The following DAZAP1 variants were observed in gnomAD, a reference collection of about 807,000 sequenced individuals.
The protein encoded by DAZAP1 is DAZ-associated protein 1.
In DAZAP1, 6 loss-of-function variants were observed where a neutral mutation model predicts 60.1. The observed-to-expected ratio is 0.10, with a 90% CI of 0.05 to 0.20. The LOEUF (loss-of-function observed/expected upper bound fraction) is 0.20. Among genes scored for constraint, DAZAP1 ranks in the 10% least tolerant of loss-of-function variants. DAZAP1 has a pLI of 1.00. For synonymous variants in DAZAP1, 235 were observed against 215.9 expected, an observed-to-expected ratio of 1.09 and a Z score of -0.78; for missense variants, 366 against 560.4, an observed-to-expected ratio of 0.65 and a Z score of 3.50.
intron 10 of DAZAP1, among the ~76,000 whole-genome samples, chr19:1,431,342 G>T (rs2083446981): frequency 6.6e-6 from 1 of 150,900 alleles, no homozygotes. Flanking sequence ...TGTTAGGCAG[G>T]ATGGTCTCGA....
rs1266091267 is a variant in DAZAP1 at position 1,422,601 on chromosome 19, T to C, written c.463+205T>C. On this transcript the variant is annotated intron_variant, in intron 6 of 11. Transcript: ENST00000233078. This position sits in a 1 kb window ranked among gnomAD's most constrained non-coding sequence, Gnocchi z 4.5. ...GCTTCCCGAGGTCAGACGTCACACATTGTTTTTTGGCTTGTTCTTTTGAAG... is the reference window on the plus strand; with the variant it reads ...GCTTCCCGAGGTCAGACGTCACACACTGTTTTTTGGCTTGTTCTTTTGAAG... Among the ~76,000 whole-genome samples the C allele has an allele frequency of 6.6e-6, 1 of 152,106 alleles. No individual in the cohort carries two copies. The highest frequency in any genetic ancestry group is 1.5e-5 in the Non-Finnish European group (1 of 68,012).
intron 1 of DAZAP1, among the ~76,000 whole-genome samples, chr19:1,414,650 C>T (rs1234067833): frequency 6.6e-6 from 1 of 151,696 alleles, no homozygotes; most frequent in Non-Finnish European, 1.5e-5. Context: ...GCAGGAGAAT[C>T]GCTTGAACCC....
At chr19:1,414,482 C>CA (rs2082917119) in intron 1 of DAZAP1, among the ~76,000 whole-genome samples, 2 of 152,284 alleles carry the variant, frequency 1.3e-5, no homozygotes, top group Admixed American at 6.5e-5. Context: ...CGCAGCTACT[C>CA]ACGCCTGTCA....
At chr19:1,409,614 C>A (rs1569030197) in intron 1 of DAZAP1, among the ~76,000 whole-genome samples, 1 of 152,256 alleles carries the variant, frequency 6.6e-6, no homozygotes, top group Non-Finnish European at 1.5e-5. Context: ...GCCACAGCCG[C>A]CCGTCGCATG....
intron 6 of DAZAP1, among the ~76,000 whole-genome samples, chr19:1,424,633 C>T (rs1171993422): frequency 6.6e-6 from 1 of 151,572 alleles, no homozygotes; most frequent in Non-Finnish European, 1.5e-5. Context: ...TTGCCTGTTC[C>T]CACCCCCCAC....
chr19:1,407,705 G>C lies in DAZAP1; in HGVS notation c.-69G>C. 9.5e-7 allele frequency: 1 copy of C among 1,049,330 alleles called. No homozygotes were observed. The highest frequency in any genetic ancestry group is 1.1e-6 in the Non-Finnish European group (1 of 873,008). 65.0% of individuals were successfully genotyped at this position (1,049,330 alleles called of 1,614,324 possible). ...GCGGCTGTGGGGAGGGCGACGGAGC[G>C]GGTGACCTTCCGGAGGCGGGAGCGA... On this transcript the variant is annotated 5_prime_UTR_variant, in exon 1 of 12. Transcript: ENST00000233078.
rs2083494388 is a variant in DAZAP1 at position 1,433,033 on chromosome 19, G to A, written c.1048+343G>A. ...TTCAGGCCCTCGGTGTGGGTCCCGG[G>A]TGCACTGGCCCCTTGGTGGGTTCCA... On this transcript the variant is annotated intron_variant, in intron 11 of 11. Transcript: ENST00000233078. The surrounding 1 kb of genome is among the most constrained non-coding windows in gnomAD (Gnocchi z 6.1). The A allele has an allele frequency of 1.1e-5, 3 of 261,748 alleles. No homozygotes were observed. The South Asian group carries it at 1.8e-4, about 16-fold the overall frequency. The allele number at this position is 261,748 out of a possible 1,614,324, so 16.2% of individuals were successfully genotyped here.
At position 1,422,498 on chromosome 19, in the gene DAZAP1, C is replaced by A; in HGVS notation, c.463+102C>A. ...ACACACAGGTGGCGGCTGTAGCAAACAGCCTCAGGAAGGGACGATTTGGAG... is the reference window on the plus strand; with the variant it reads ...ACACACAGGTGGCGGCTGTAGCAAAAAGCCTCAGGAAGGGACGATTTGGAG... On this transcript the variant is annotated intron_variant, in intron 6 of 11. Transcript: ENST00000233078. The surrounding 1 kb of genome is among the most constrained non-coding windows in gnomAD (Gnocchi z 4.5). 2 of 1,136,444 alleles carry A rather than the reference C, an allele frequency of 1.8e-6. No homozygotes were observed. The highest frequency in any genetic ancestry group is 2.6e-6 in the Non-Finnish European group (2 of 764,502). 70.4% of individuals were successfully genotyped at this position (1,136,444 alleles called of 1,614,324 possible). A position where few individuals can be genotyped will look rare whatever the true frequency, so the allele number is the denominator to read the frequency against.
rs199698108 is a variant in DAZAP1 at position 1,428,889 on chromosome 19, G to A, written c.594G>A (p.Pro198=). ...CTCGGGACAGCAAGAGCCAAGCGCC[G>A]GGACAGCCAGGTGCCAGCCAGTGGG... ...AEPRDSKSQA[P]GQPGASQWGS... Residue 198 remains proline (P), a synonymous_variant, in exon 8 of 12, where the codon CCG becomes CCA. Coordinates refer to ENST00000233078, the MANE Select transcript of DAZAP1 (RefSeq NM_018959.4). The surrounding 1 kb of genome is among the most constrained non-coding windows in gnomAD (Gnocchi z 4.0). The A allele has an allele frequency of 1.0e-4, 169 of 1,613,032 alleles. No individual in the cohort carries two copies. In the East Asian group the frequency reaches 3.4e-3, roughly 32 times the overall value.
In DAZAP1 at chr19:1,407,592, T is replaced by G. The variant is rs1399187883; in HGVS notation, c.-182T>G. 4 of 306,844 alleles carry G rather than the reference T, an allele frequency of 1.3e-5. No homozygotes were observed. The highest frequency in any genetic ancestry group is 1.2e-4 in the South Asian group (1 of 8,264). The allele number at this position is 306,844 out of a possible 1,614,324, so 19.0% of individuals were successfully genotyped here. ...GGCGCGGCGGCGCGGGGACGCGCGG[T>G]GACCGTTGGCGCCGAGGGGAGGAGG... On this transcript the variant is annotated 5_prime_UTR_variant, in exon 1 of 12. Coordinates refer to ENST00000233078, the MANE Select transcript of DAZAP1 (RefSeq NM_018959.4).
chr19:1,407,596 C>A lies in DAZAP1; in HGVS notation c.-178C>A. On this transcript the variant is annotated 5_prime_UTR_variant, in exon 1 of 12. Transcript: ENST00000233078. ...CGGCGGCGCGGGGACGCGCGGTGAC[C>A]GTTGGCGCCGAGGGGAGGAGGCAGC... 1 of 349,032 alleles carries A rather than the reference C, an allele frequency of 2.9e-6. No individual in the cohort carries two copies. Among genetic ancestry groups the A allele is most frequent in the Non-Finnish European group, 3.9e-6 (1 of 254,888 alleles). 21.6% of individuals were successfully genotyped at this position (349,032 alleles called of 1,614,324 possible).
Position 1,418,571 on chromosome 19 carries a change from C to CGGGCT in DAZAP1, c.238-93_238-89dup, listed in dbSNP as rs1176210384. ...ATGGAGCCGGCGGGGCGGGGCGGGC[C>CGGGCT]GGGCTGCTGTGCCGTGGCTGCTGTT... On this transcript the variant is annotated intron_variant, in intron 3 of 11. Transcript: ENST00000233078. This position sits in a 1 kb window ranked among gnomAD's most constrained non-coding sequence, Gnocchi z 5.7. The CGGGCT allele has an allele frequency of 6.5e-6, 10 of 1,527,372 alleles. No individual in the cohort carries two copies. In the African/African-American group the frequency reaches 1.2e-4, roughly 19 times the overall value. The allele number at this position is 1,527,372 out of a possible 1,614,324, so 94.6% of individuals were successfully genotyped here.
rs1251033197 is a variant in DAZAP1, at chr19:1,418,053, CA to C, written c.71-150del. On this transcript the variant is annotated intron_variant, in intron 2 of 11. Coordinates refer to ENST00000233078, the MANE Select transcript of DAZAP1 (RefSeq NM_018959.4). The surrounding 1 kb of genome is among the most constrained non-coding windows in gnomAD (Gnocchi z 5.7). Reference sequence around the variant, plus strand: ...CAAGTGTGTGTTGGGCAGAATTCCCCAGCGCTTCCCGTACACCCCCCACCCC... The same window carrying C: ...CAAGTGTGTGTTGGGCAGAATTCCCCGCGCTTCCCGTACACCCCCCACCCC... 1 of 727,852 alleles carries C rather than the reference CA, an allele frequency of 1.4e-6. No homozygotes were observed. Among genetic ancestry groups the C allele is most frequent in the African/African-American group, 1.8e-5 (1 of 56,422 alleles). 45.1% of individuals were successfully genotyped at this position (727,852 alleles called of 1,614,324 possible). A position where few individuals can be genotyped will look rare whatever the true frequency, so the allele number is the denominator to read the frequency against.
rs2082700523 is a variant in DAZAP1 at position 1,407,616 on chromosome 19, G to GGCCGCCGCCGCCGCCGCCGCCGCCGCC, written c.-156_-155insCGCCGCCGCCGCCGCCGCCGCCGCCGC. ...GTGACCGTTGGCGCCGAGGGGAGGA[G>GGCCGCCGCCGCCGCCGCCGCCGCCGCC]GCAGCCGCCGCCGCCGCCGCCGCCG... is the stretch of plus-strand genomic sequence containing the variant. On this transcript the variant is annotated 5_prime_UTR_variant, in exon 1 of 12. Coordinates refer to ENST00000233078, the MANE Select transcript of DAZAP1 (RefSeq NM_018959.4). 4.8e-6 allele frequency: 1 copy of GGCCGCCGCCGCCGCCGCCGCCGCCGCC among 206,498 alleles called. No homozygotes were observed. Among genetic ancestry groups the GGCCGCCGCCGCCGCCGCCGCCGCCGCC allele is most frequent in the Non-Finnish European group, 6.9e-6 (1 of 145,100 alleles). The allele number at this position is 206,498 out of a possible 1,614,324, so 12.8% of individuals were successfully genotyped here. A position where few individuals can be genotyped will look rare whatever the true frequency, so the allele number is the denominator to read the frequency against.
intron 2 of DAZAP1, 115 bp downstream of exon 2, chr19:1,417,655 C>T (rs891167350): frequency 7.0e-6 from 7 of 1,002,852 alleles, no homozygotes; most frequent in African/African-American, 3.3e-5. Context: ...GTCCTTTTGA[C>T]GTTGTTCTGA....
At chr19:1,414,168 C>G (rs1050421780) in intron 1 of DAZAP1, among the ~76,000 whole-genome samples, 3 of 151,998 alleles carry the variant, frequency 2.0e-5, no homozygotes, top group Admixed American at 6.5e-5. Context: ...CAGGTGCGCA[C>G]CACCGAGCCC....
In DAZAP1 at chr19:1,433,618, C is replaced by T. The variant is rs532256569; in HGVS notation, c.1048+928C>T. On this transcript the variant is annotated intron_variant, in intron 11 of 11. Coordinates refer to ENST00000233078, the MANE Select transcript of DAZAP1 (RefSeq NM_018959.4). This position sits in a 1 kb window ranked among gnomAD's most constrained non-coding sequence, Gnocchi z 6.1. ...GGTTCTTGACCCACTCACCACCAAA[C>T]CCTGGCGTGTCTGAGACTGGCAGGG... 3.1e-5 allele frequency: 24 copies of T among 786,492 alleles called. No individual in the cohort carries two copies. In the African/African-American group the frequency reaches 3.8e-4, roughly 12 times the overall value. 48.7% of individuals were successfully genotyped at this position (786,492 alleles called of 1,614,324 possible).
At position 1,434,677 on chromosome 19, in the gene DAZAP1, C is replaced by G; in HGVS notation, c.1049-60C>G. 1 of 1,588,150 alleles carries G rather than the reference C, an allele frequency of 6.3e-7. No individual in the cohort carries two copies. The highest frequency in any genetic ancestry group is 8.6e-7 in the Non-Finnish European group (1 of 1,164,426). On this transcript the variant is annotated intron_variant, in intron 11 of 11. Coordinates refer to ENST00000233078, the MANE Select transcript of DAZAP1 (RefSeq NM_018959.4). The surrounding 1 kb of genome is among the most constrained non-coding windows in gnomAD (Gnocchi z 8.0). Reference sequence around the variant, plus strand: ...GCGGAGCTGTGTCCAGGTGGCCTCGCTCGACGGCAGTGCCAACCGCCCAGG... The same window carrying G: ...GCGGAGCTGTGTCCAGGTGGCCTCGGTCGACGGCAGTGCCAACCGCCCAGG...
chr19:1,410,360 G>A (rs2082792351), intron 1 of DAZAP1, among the ~76,000 whole-genome samples: 1 of 152,204 alleles, frequency 6.6e-6, no homozygotes, highest in Admixed American at 6.5e-5. Flanking sequence ...CATGGTGGAT[G>A]TGATGGACAG....
Sources: allele counts gnomAD v4.1 joint callset (sites outside exome capture counted in the v4.1 genomes callset), GRCh38; gene constraint gnomAD v4.1.1; non-coding constraint Gnocchi (gnomAD v3.1); transcripts MANE v1.5; gene names NCBI Gene and HGNC (gene_info 2026-07-23, HGNC 2026-07-21).